The following RPL35 variants were observed in gnomAD, a reference collection of about 807,000 sequenced individuals.
RPL35 encodes the protein large ribosomal subunit protein uL29.
In RPL35, 2 loss-of-function variants were observed where a neutral mutation model predicts 15.6. The ratio of observed to expected loss-of-function variants is 0.13; its 90% CI spans 0.05 to 0.40. The LOEUF (loss-of-function observed/expected upper bound fraction) is 0.40. Among genes scored for constraint, RPL35 ranks in the 10% least tolerant of loss-of-function variants. The pLI is 0.99. For missense variants in RPL35, 111 were observed against 164.7 expected, an observed-to-expected ratio of 0.67 and a Z score of 1.79; for synonymous variants, 93 against 67.9, an observed-to-expected ratio of 1.37 and a Z score of -1.82.
rs750270912 is a variant in RPL35 at position 124,861,574 on chromosome 9, G to A, written c.4-19C>T. ...TCTTGGCCTGCGCGCAAGAGAGAGTGTGCCTCAGCCAGGCCGCGGGGCCAT... is the reference window on the plus strand; with the variant it reads ...TCTTGGCCTGCGCGCAAGAGAGAGTATGCCTCAGCCAGGCCGCGGGGCCAT... On this transcript the variant is annotated intron_variant, in intron 1 of 3. Coordinates refer to ENST00000348462, the MANE Select transcript of RPL35 (RefSeq NM_007209.4). 1.1e-5 allele frequency: 17 copies of A among 1,612,648 alleles called. No individual in the cohort carries two copies. Among genetic ancestry groups the A allele is most frequent in the Non-Finnish European group, 1.4e-5 (17 of 1,179,424 alleles).
At chr9:124,861,606 T>C in intron 1 of RPL35, 51 bp from the exon 2 acceptor site, 1 of 1,593,184 alleles carries the variant, frequency 6.3e-7, no homozygotes, top group Non-Finnish European at 8.6e-7. Flanking sequence ...CCATATCCCC[T>C]TCACCTGCGT....
chr9:124,858,234 A>C, intron 3 of RPL35, 167 bp from the exon 4 acceptor site: 2 of 656,324 alleles, frequency 3.0e-6, no homozygotes, highest in Non-Finnish European at 5.3e-6. Flanking sequence ...CCCCAAATCT[A>C]AGGCTGGTGG....
At chr9:124,859,920 G>A (rs1204559495) in intron 3 of RPL35, among the ~76,000 whole-genome samples, 2 of 152,140 alleles carry the variant, frequency 1.3e-5, no homozygotes, top group African/African-American at 2.4e-5. Context: ...ACTCAACTGG[G>A]AAGGCTGGTT....
Position 124,858,001 on chromosome 9 carries a change from T to C in RPL35, c.289A>G (p.Lys97Glu). 5 of 1,612,278 alleles carry C rather than the reference T, an allele frequency of 3.1e-6. No individual in the cohort carries two copies. The highest frequency in any genetic ancestry group is 4.2e-6 in the Non-Finnish European group (5 of 1,180,036). The change falls in exon 4 of 4, where the codon AAG becomes GAG. Residue 97 changes from lysine (K) to glutamate (E), a missense_variant. By Grantham distance (56) the Lys-to-Glu change is moderately conservative (BLOSUM62 1). Transcript: ENST00000348462. ...KTRAMRRRLNKHEENLKTKKQ... is the reference protein window; with the variant it reads ...KTRAMRRRLNEHEENLKTKKQ... Reference sequence around the variant, plus strand: ...TTGGTCTTCAGGTTCTCCTCGTGCTTGTTGAGCCGGCGGCGCATGGCACGT... The same window carrying C: ...TTGGTCTTCAGGTTCTCCTCGTGCTCGTTGAGCCGGCGGCGCATGGCACGT...
At position 124,858,018 on chromosome 9, in the gene RPL35, A is replaced by C; in HGVS notation, c.272T>G (p.Met91Arg). 6.2e-7 allele frequency: 1 copy of C among 1,612,338 alleles called. No individual in the cohort carries two copies. Among genetic ancestry groups the C allele is most frequent in the Non-Finnish European group, 8.5e-7 (1 of 1,180,004 alleles). Reference protein sequence around the residue: ...LDLRPKKTRAMRRRLNKHEEN... With the variant: ...LDLRPKKTRARRRRLNKHEEN... Reference sequence around the variant, plus strand: ...CTCGTGCTTGTTGAGCCGGCGGCGCATGGCACGTGTCTTCTTAGGCCGCAG... The same window carrying C: ...CTCGTGCTTGTTGAGCCGGCGGCGCCTGGCACGTGTCTTCTTAGGCCGCAG... The change falls in exon 4 of 4, where the codon ATG (methionine) becomes AGG (arginine). Residue 91 changes from methionine (M) to arginine (R), a missense_variant. Transcript: ENST00000348462.
intron 2 of RPL35, 82 bp from the exon 3 acceptor site, chr9:124,860,346 A>T: frequency 3.6e-6 from 4 of 1,110,676 alleles, no homozygotes; most frequent in Non-Finnish European, 4.2e-6. Flanking sequence ...GGGCAGCAAT[A>T]GCTGCAGCCT....
chr9:124,861,674 C>T, intron 1 of RPL35, 119 bp from the exon 2 acceptor site: 1 of 1,461,738 alleles, frequency 6.8e-7, no homozygotes. Context: ...GGAGCCCCAA[C>T]CAGGGCTCAG....
intron 3 of RPL35, among the ~76,000 whole-genome samples, chr9:124,858,710 C>T (rs1420404267): frequency 1.3e-5 from 2 of 152,376 alleles, no homozygotes; most frequent in South Asian, 2.1e-4. Flanking sequence ...ACCATGGCAG[C>T]TCTCACTGGT....
chr9:124,858,786 C>T (rs906390446), intron 3 of RPL35, among the ~76,000 whole-genome samples: 1 of 152,354 alleles, frequency 6.6e-6, no homozygotes, highest in Non-Finnish European at 1.5e-5. Flanking sequence ...TGGGAGCTGG[C>T]TTGGCAAAGG....
intron 1 of RPL35, 159 bp from the exon 2 acceptor site, chr9:124,861,714 G>T (rs1040694160): frequency 6.7e-6 from 9 of 1,337,458 alleles, no homozygotes; most frequent in Middle Eastern, 1.9e-4. Context: ...CGTGCCTTGG[G>T]CAGAGTAACC....
At chr9:124,861,125 C>T in intron 2 of RPL35, 1 of 380,058 alleles carries the variant, frequency 2.6e-6, no homozygotes, top group Non-Finnish European at 4.8e-6. Context: ...GCAAGCCACC[C>T]ACCTGCCAAG....
At chr9:124,858,655 T>G (rs1463839162) in intron 3 of RPL35, 1 of 626,986 alleles carries the variant, frequency 1.6e-6, no homozygotes. Context: ...TTTCCATCCT[T>G]GGCTCCCACT....
intron 3 of RPL35, chr9:124,858,396 C>A: frequency 1.5e-6 from 1 of 667,228 alleles, no homozygotes; most frequent in South Asian, 1.6e-5. Context: ...CGAGGACAGT[C>A]ACATGACAAC....
intron 2 of RPL35, 79 bp from the exon 3 acceptor site, chr9:124,860,343 A>G (rs1829177598): frequency 1.7e-6 from 2 of 1,158,450 alleles, no homozygotes; most frequent in Non-Finnish European, 1.3e-6. Flanking sequence ...ATAGGGCAGC[A>G]ATAGCTGCAG....
chr9:124,861,883 G>C, intron 1 of RPL35, 27 bp downstream of exon 1: 2 of 1,602,612 alleles, frequency 1.2e-6, no homozygotes, highest in Non-Finnish European at 1.7e-6. Context: ...ACAGCGCTCG[G>C]ATGGCGCCCG....
rs756084158 is a variant in RPL35, at chr9:124,860,223, A to G, written c.182T>C (p.Ile61Thr). The G allele has an allele frequency of 1.7e-5, 27 of 1,614,050 alleles. No homozygotes were observed. Among genetic ancestry groups the G allele is most frequent in the African/African-American group, 4.0e-5 (3 of 74,940 alleles). Residue 61 changes from isoleucine (I) to threonine (T), a missense_variant, in exon 3 of 4, where the codon ATT becomes ACT. By Grantham distance (89) the Ile-to-Thr change is moderately conservative. Coordinates refer to ENST00000348462, the MANE Select transcript of RPL35 (RefSeq NM_007209.4). ...RKSIARVLTV[I>T]NQTQKENLRK... ...GAGGTTTTCTTTCTGAGTCTGGTTA[A>G]TAACTGTGAGAACACGGGCAATGGA...
At chr9:124,860,083 G>A (rs1829172711) in intron 3 of RPL35, 100 bp downstream of exon 3, 4 of 858,052 alleles carry the variant, frequency 4.7e-6, no homozygotes, top group Non-Finnish European at 6.0e-6. Flanking sequence ...ACCACTCTCA[G>A]CCCACGCACC....
Position 124,861,568 on chromosome 9 carries a change from G to T in RPL35, c.4-13C>A, listed in dbSNP as rs1829197565. 6.2e-7 allele frequency: 1 copy of T among 1,613,162 alleles called. No homozygotes were observed. The highest frequency in any genetic ancestry group is 8.5e-7 in the Non-Finnish European group (1 of 1,179,756). On this transcript the variant is annotated splice_polypyrimidine_tract_variant and intron_variant, in intron 1 of 3. Transcript: ENST00000348462. ...CCTTGATCTTGGCCTGCGCGCAAGA[G>T]AGAGTGTGCCTCAGCCAGGCCGCGG...
rs895544721 is a variant in RPL35 at position 124,861,647 on chromosome 9, T to C, written c.4-92A>G. Reference sequence around the variant, plus strand: ...GCCCCCAAAGGCGCGCGACTCGCCATCGACTACGAGTGCGCCGGAGCCCCA... The same window carrying C: ...GCCCCCAAAGGCGCGCGACTCGCCACCGACTACGAGTGCGCCGGAGCCCCA... On this transcript the variant is annotated intron_variant, in intron 1 of 3. Coordinates refer to ENST00000348462, the MANE Select transcript of RPL35 (RefSeq NM_007209.4). 23 of 1,537,442 alleles carry C rather than the reference T, an allele frequency of 1.5e-5. No homozygotes were observed. The African/African-American group carries it at 2.9e-4, about 19-fold the overall frequency.
Sources: gnomAD v4.1 joint callset for allele counts (sites outside exome capture counted in the v4.1 genomes callset) on GRCh38, gnomAD v4.1.1 for gene constraint, MANE v1.5 for transcripts, NCBI Gene and HGNC (gene_info 2026-07-23, HGNC 2026-07-21) for gene names.